FAF1: variants seen among roughly 807,000 people sequenced by gnomAD.
FAF1 encodes FAS-associated factor 1.
Under a neutral mutation model 92.5 loss-of-function variants are expected in FAF1, and 25 were observed. The observed-to-expected ratio is 0.27, with a 90% CI of 0.20 to 0.38. The LOEUF (loss-of-function observed/expected upper bound fraction) is 0.38. Ranked by LOEUF, FAF1 falls within the 10% of genes least tolerant of loss-of-function variation. FAF1 has a pLI of 1.00. For synonymous variants in FAF1, 234 were observed against 273.2 expected, an observed-to-expected ratio of 0.86 and a Z score of 1.42; for missense variants, 636 against 793.3, an observed-to-expected ratio of 0.80 and a Z score of 2.38.
At chr1:50,584,362 A>G (rs943590498) in intron 10 of FAF1, among the ~76,000 whole-genome samples, 1 of 152,142 alleles carries the variant, frequency 6.6e-6, no homozygotes, top group African/African-American at 2.4e-5. Flanking sequence ...GTGGGGAAAC[A>G]AGTATCGGTC....
intron 1 of FAF1, among the ~76,000 whole-genome samples, chr1:50,925,347 TA>T (rs1301501779): frequency 1.3e-5 from 2 of 151,806 alleles, no homozygotes; most frequent in African/African-American, 4.8e-5. Flanking sequence ...TTCTCCACGG[TA>T]AAAGAAACAA....
intron 7 of FAF1, among the ~76,000 whole-genome samples, chr1:50,684,257 CTTTTTTTTT>C (rs756495229): frequency 8.7e-6 from 1 of 114,436 alleles, no homozygotes; most frequent in Admixed American, 9.2e-5. Flanking sequence ...TTCCAACAGA[CTTTTTTTTT>C]TTTTTTTTTT....
intron 7 of FAF1, among the ~76,000 whole-genome samples, chr1:50,705,040 C>T (rs1015207138): frequency 6.6e-6 from 1 of 152,182 alleles, no homozygotes; most frequent in Non-Finnish European, 1.5e-5. Flanking sequence ...AGACAAATGA[C>T]TGTTGCTTTC....
chr1:50,826,546 G>A lies in FAF1; in HGVS notation c.115-24869C>T, dbSNP rs367902425. On this transcript the variant is annotated intron_variant, in intron 2 of 18. Coordinates refer to ENST00000396153, the MANE Select transcript of FAF1 (RefSeq NM_007051.3). ...GCCACCTGGGAGAGAGTGAGACTCC[G>A]TCTCAAAAAAAAAAAAAAAATGGAT... Among the ~76,000 whole-genome samples the A allele has an allele frequency of 3.3e-4, 48 of 143,292 alleles. No individual in the cohort carries two copies. The East Asian group carries it at 9.0e-3, about 27-fold the overall frequency. The allele number at this position is 143,292 out of a possible 152,430, so 94.0% of individuals were successfully genotyped here. A position where few individuals can be genotyped will look rare whatever the true frequency, so the allele number is the denominator to read the frequency against.
rs1646410008 is a variant in FAF1, at chr1:50,460,334, A to T, written c.1869+15130T>A. On this transcript the variant is annotated intron_variant, in intron 18 of 18. Transcript: ENST00000396153. ...AAATGTCTTTTTTTGCAGTATATTT[A>T]GTGTCATGTTTTTCACATTTGTGTG... Among the ~76,000 whole-genome samples, 3 of 152,178 alleles carry T rather than the reference A, an allele frequency of 2.0e-5. No homozygotes were observed. The South Asian group carries it at 6.2e-4, about 32-fold the overall frequency.
chr1:50,452,318 G>T, intron 18 of FAF1: 1 of 405,552 alleles, frequency 2.5e-6, no homozygotes, highest in South Asian at 2.1e-5. Flanking sequence ...CTGTAGTGTG[G>T]CAAGATAAAC....
rs558069868 is a variant in FAF1, at chr1:50,818,434, A to G, written c.115-16757T>C. The stretch of plus-strand genomic sequence containing the variant: ...CCAAAAGAAAAAATGTCTACCAAAG[A>G]CCAGTATACAAATATTCGTACCGGA... On this transcript the variant is annotated intron_variant, in intron 2 of 18. Transcript: ENST00000396153. Among the ~76,000 whole-genome samples, 10 of 152,350 alleles carry G rather than the reference A, an allele frequency of 6.6e-5. No homozygotes were observed. In the East Asian group the frequency reaches 1.9e-3, roughly 29 times the overall value.
At chr1:50,642,931 C>A (rs113232576) in intron 8 of FAF1, among the ~76,000 whole-genome samples, 4,711 of 152,118 alleles carry the variant, frequency 0.031, 239 homozygotes, top group African/African-American at 0.11. Flanking sequence ...ACCTCTGCCT[C>A]CCAGGTTCAA....
At chr1:50,871,013 A>G (rs1187503753) in intron 1 of FAF1, among the ~76,000 whole-genome samples, 2 of 152,260 alleles carry the variant, frequency 1.3e-5, no homozygotes, top group African/African-American at 2.4e-5. Context: ...GTGAATATAC[A>G]AATAATAAGA....
At chr1:50,715,930 T>C (rs548764553) in intron 6 of FAF1, among the ~76,000 whole-genome samples, 1 of 152,206 alleles carries the variant, frequency 6.6e-6, no homozygotes, top group African/African-American at 2.4e-5. Flanking sequence ...TATTATTAGC[T>C]TACATATATC....
At chr1:50,786,597 T>A (rs186762368) in intron 4 of FAF1, among the ~76,000 whole-genome samples, 41 of 152,330 alleles carry the variant, frequency 2.7e-4, no homozygotes, top group African/African-American at 7.5e-4. Context: ...AAAATTTTTT[T>A]AAATAAAAAA....
chr1:50,487,464 T>C (rs1241203764), intron 17 of FAF1, among the ~76,000 whole-genome samples: 5 of 152,206 alleles, frequency 3.3e-5, no homozygotes, highest in African/African-American at 1.2e-4. Context: ...TCCCTTTGAA[T>C]TGCATGTATT....
chr1:50,705,447 T>C (rs552956281), intron 7 of FAF1, among the ~76,000 whole-genome samples: 8 of 152,332 alleles, frequency 5.3e-5, no homozygotes, highest in Non-Finnish European at 1.0e-4. Flanking sequence ...TCAAATAAAA[T>C]ATAAGCATCC....
At chr1:50,548,575 A>G (rs940020948) in intron 13 of FAF1, among the ~76,000 whole-genome samples, 3 of 152,224 alleles carry the variant, frequency 2.0e-5, no homozygotes, top group African/African-American at 7.2e-5. Context: ...GAATAATTAC[A>G]GTCTTCAGGG....
At chr1:50,478,506 C>T (rs891299433) in intron 17 of FAF1, among the ~76,000 whole-genome samples, 2 of 152,124 alleles carry the variant, frequency 1.3e-5, no homozygotes, top group African/African-American at 4.8e-5. Flanking sequence ...GATTATAAAA[C>T]ATTTTTCCCA....
intron 9 of FAF1, among the ~76,000 whole-genome samples, chr1:50,593,160 G>C (rs1284491181): frequency 6.6e-6 from 1 of 152,094 alleles, no homozygotes; most frequent in Non-Finnish European, 1.5e-5. Flanking sequence ...GTAATAATAA[G>C]ATATTACCGA....
intron 8 of FAF1, among the ~76,000 whole-genome samples, chr1:50,645,331 A>G (rs1384288152): frequency 1.3e-5 from 2 of 152,266 alleles, no homozygotes; most frequent in Non-Finnish European, 2.9e-5. Flanking sequence ...TGCAATATAA[A>G]GAAGGTGCTT....
chr1:50,600,697 A>G (rs1652071934), intron 8 of FAF1, among the ~76,000 whole-genome samples: 1 of 152,134 alleles, frequency 6.6e-6, no homozygotes, highest in African/African-American at 2.4e-5. Context: ...CATATTTTCA[A>G]TCAAAAAAAT....
chr1:50,702,889 T>A (rs1371689168), intron 7 of FAF1, among the ~76,000 whole-genome samples: 1 of 152,150 alleles, frequency 6.6e-6, no homozygotes, highest in Non-Finnish European at 1.5e-5. Context: ...TACTTTGTTC[T>A]AATTAAAAGT....
Sources: allele counts gnomAD v4.1 joint callset (sites outside exome capture counted in the v4.1 genomes callset), GRCh38; gene constraint gnomAD v4.1.1; transcripts MANE v1.5; gene names NCBI Gene and HGNC (gene_info 2026-07-23, HGNC 2026-07-21).